Variants in MARK3 observed in about 807,000 individuals in gnomAD.
The protein encoded by MARK3 is MAP/microtubule affinity-regulating kinase 3.
In MARK3, 46 loss-of-function variants were observed where a neutral mutation model predicts 90.1. The ratio of observed to expected loss-of-function variants is 0.51; its 90% CI spans 0.40 to 0.65. The LOEUF is 0.65. Ranked by LOEUF, MARK3 falls within the 30% of genes least tolerant of loss-of-function variation. MARK3 has a pLI of 0.00. For missense variants in MARK3, 818 were observed against 947.2 expected, an observed-to-expected ratio of 0.86 and a Z score of 1.79; for synonymous variants, 321 against 332.6, an observed-to-expected ratio of 0.97 and a Z score of 0.38.
rs1189659875 is a variant in MARK3, at chr14:103,502,919, G to C, written c.1954G>C (p.Glu652Gln). ...TGCTGAGCAAAAAGATGAAAACAAAGAAGCAAAGCCTCGATCCCTACGCTT... is the reference window on the plus strand; with the variant it reads ...TGCTGAGCAAAAAGATGAAAACAAACAAGCAAAGCCTCGATCCCTACGCTT... ...VSAEQKDENK[E>Q]AKPRSLRFTW... Residue 652 changes from glutamate to glutamine, a missense_variant, in exon 18 of 18, where the codon GAA becomes CAA. Coordinates refer to ENST00000429436, the MANE Select transcript of MARK3 (RefSeq NM_001128918.3). 1.2e-6 allele frequency: 2 copies of C among 1,613,340 alleles called. No homozygotes were observed. Among genetic ancestry groups the C allele is most frequent in the Non-Finnish European group, 1.7e-6 (2 of 1,179,338 alleles).
chr14:103,451,860 T>G, intron 4 of MARK3, 58 bp from the exon 5 acceptor site: 1 of 1,201,914 alleles, frequency 8.3e-7, no homozygotes, highest in Non-Finnish European at 1.2e-6. Flanking sequence ...TATATGTGCA[T>G]GGTTTGTGCA....
intron 15 of MARK3, among the ~76,000 whole-genome samples, chr14:103,495,689 T>A (rs1238508466): frequency 6.6e-6 from 1 of 152,236 alleles, no homozygotes; most frequent in Non-Finnish European, 1.5e-5. Context: ...CCAGGCTATT[T>A]CCACACCCCC....
chr14:103,479,549 C>T (rs1395359528), intron 13 of MARK3, among the ~76,000 whole-genome samples: 1 of 150,762 alleles, frequency 6.6e-6, no homozygotes, highest in African/African-American at 2.4e-5. Context: ...GAAGTAGTAC[C>T]TCATGCTTTT....
chr14:103,494,257 A>G (rs1233980055), intron 15 of MARK3, among the ~76,000 whole-genome samples: 1 of 140,800 alleles, frequency 7.1e-6, no homozygotes, highest in Non-Finnish European at 1.5e-5. Context: ...AAAAAAAAAG[A>G]CTAGCATTGA....
In MARK3 at chr14:103,475,185, G is replaced by A. The variant is rs117953446; in HGVS notation, c.1457G>A (p.Arg486His). The A allele has an allele frequency of 3.0e-5, 49 of 1,613,442 alleles. No individual in the cohort carries two copies. The South Asian group carries it at 3.5e-4, about 12-fold the overall frequency. Residue 486 changes from arginine to histidine, a missense_variant, in exon 13 of 18, where the codon CGC (arginine) becomes CAC (histidine). Coordinates refer to ENST00000429436, the MANE Select transcript of MARK3 (RefSeq NM_001128918.3). The part of the protein sequence containing the change: ...SNPNKADIPE[R>H]KKSSTVPSSN... Reference sequence around the variant, plus strand: ...CCTAATAAGGCGGATATTCCTGAACGCAAGAAAAGCTCCACTGTCCCTAGT... The same window carrying A: ...CCTAATAAGGCGGATATTCCTGAACACAAGAAAAGCTCCACTGTCCCTAGT...
intron 2 of MARK3, chr14:103,412,064 G>GT (rs2091672359): frequency 4.4e-6 from 2 of 457,946 alleles, no homozygotes; most frequent in East Asian, 3.5e-5. Flanking sequence ...GGATTAGTTG[G>GT]TTTTTTGTTT....
chr14:103,452,070 T>C, intron 5 of MARK3, 87 bp downstream of exon 5: 4 of 857,472 alleles, frequency 4.7e-6, no homozygotes, highest in Non-Finnish European at 5.6e-6. Flanking sequence ...GGGTCATCAT[T>C]AAGGTCTCAT....
chr14:103,449,301 C>T (rs2093072201), intron 4 of MARK3, among the ~76,000 whole-genome samples: 1 of 150,562 alleles, frequency 6.6e-6, no homozygotes, highest in Non-Finnish European at 1.5e-5. Context: ...AGGGGCTGGG[C>T]ACAGTGGCTC....
intron 13 of MARK3, among the ~76,000 whole-genome samples, chr14:103,478,314 A>G (rs201632983): frequency 5.9e-4 from 88 of 149,958 alleles, no homozygotes; most frequent in African/African-American, 2.1e-3. Context: ...AAAAAAAAGA[A>G]CACCTGTATC....
chr14:103,438,669 T>TTA (rs765828699), intron 3 of MARK3, among the ~76,000 whole-genome samples: 4 of 151,856 alleles, frequency 2.6e-5, no homozygotes, highest in African/African-American at 4.9e-5. Context: ...GGGAAGATTC[T>TTA]TAGTTTGTCT....
chr14:103,489,939 T>C (rs1243264636), intron 14 of MARK3: 1 of 152,272 alleles, frequency 6.6e-6, no homozygotes. Flanking sequence ...AATTTGCCCA[T>C]CTTGGAGAAG....
At chr14:103,428,522 CTGTT>C in intron 3 of MARK3, 82 bp downstream of exon 3, 2 of 746,862 alleles carry the variant, frequency 2.7e-6, no homozygotes, top group Non-Finnish European at 4.4e-6. Flanking sequence ...AATACCCCAA[CTGTT>C]ATTTTATGTT....
At chr14:103,497,363 A>G (rs937780779) in intron 15 of MARK3, among the ~76,000 whole-genome samples, 1 of 152,240 alleles carries the variant, frequency 6.6e-6, no homozygotes, top group Admixed American at 6.5e-5. Flanking sequence ...ACTGCCTGCT[A>G]TGTACAGTTA....
intron 1 of MARK3, among the ~76,000 whole-genome samples, chr14:103,397,326 A>AT (rs34252723): frequency 0.41 from 54,778 of 133,108 alleles, 12,122 homozygotes; most frequent in Non-Finnish European, 0.5. Context: ...CTGAATAAAC[A>AT]TTTTTTTTTT....
Position 103,467,207 on chromosome 14 carries a change from A to C in MARK3, c.1110+16A>C, listed in dbSNP as rs1293924412. The stretch of plus-strand genomic sequence containing the variant: ...ATCTTCAGAGGTAAGAGTAATCAGA[A>C]AGAGCTGAAATACCCTGTATGTAAT... On this transcript the variant is annotated intron_variant, in intron 11 of 17. Coordinates refer to ENST00000429436, the MANE Select transcript of MARK3 (RefSeq NM_001128918.3). 2.4e-6 allele frequency: 3 copies of C among 1,265,024 alleles called. No individual in the cohort carries two copies. The highest frequency in any genetic ancestry group is 3.4e-6 in the Non-Finnish European group (3 of 879,852). 78.4% of individuals were successfully genotyped at this position (1,265,024 alleles called of 1,614,324 possible).
intron 4 of MARK3, among the ~76,000 whole-genome samples, chr14:103,450,661 T>C (rs1433554822): frequency 6.6e-6 from 1 of 152,118 alleles, no homozygotes; most frequent in Non-Finnish European, 1.5e-5. Flanking sequence ...TATGATAGCT[T>C]TATTCATCAG....
In MARK3 at chr14:103,386,163, C is replaced by T. The variant is rs1267125870; in HGVS notation, c.51+83C>T. 3.2e-5 allele frequency: 42 copies of T among 1,323,904 alleles called. 1 individual carries two copies. In the East Asian group the frequency reaches 4.8e-4, roughly 15 times the overall value. The allele number at this position is 1,323,904 out of a possible 1,614,324, so 82.0% of individuals were successfully genotyped here. ...GGCAGTGCCTTGCAGTCGGGTGTTCCCCCCAGCCGAACGCTCTGGAAATAG... is the reference window on the plus strand; with the variant it reads ...GGCAGTGCCTTGCAGTCGGGTGTTCTCCCCAGCCGAACGCTCTGGAAATAG... On this transcript the variant is annotated intron_variant, in intron 1 of 17. Coordinates refer to ENST00000429436, the MANE Select transcript of MARK3 (RefSeq NM_001128918.3).
At chr14:103,416,627 C>T (rs541262515) in intron 2 of MARK3, among the ~76,000 whole-genome samples, 39 of 152,260 alleles carry the variant, frequency 2.6e-4, no homozygotes, top group Non-Finnish European at 5.3e-4. Context: ...AAAAAATTAT[C>T]TGGGCATGGT....
At position 103,405,259 on chromosome 14, in the gene MARK3, G is replaced by A. The variant is rs2091210279; in HGVS notation, c.235G>A (p.Gly79Ser). The change falls in exon 2 of 18, where the codon GGC becomes AGC. Residue 79 changes from glycine (G) to serine (S), a missense_variant. Gly to Ser is a moderately conservative substitution (Grantham distance 56). Transcript: ENST00000429436. Reference sequence around the variant, plus strand: ...AAAATTGGCAAGACATATCCTTACAGGCAGAGAGGTAAATACCAGTTATGC... The same window carrying A: ...AAAATTGGCAAGACATATCCTTACAAGCAGAGAGGTAAATACCAGTTATGC... ...KVKLARHILT[G>S]REVAIKIIDK... 6.5e-7 allele frequency: 1 copy of A among 1,533,754 alleles called. No individual in the cohort carries two copies.
Sources: gnomAD v4.1 joint callset for allele counts (sites outside exome capture counted in the v4.1 genomes callset) on GRCh38, gnomAD v4.1.1 for gene constraint, MANE v1.5 for transcripts, NCBI Gene and HGNC (gene_info 2026-07-23, HGNC 2026-07-21) for gene names.